Variants in DGKH observed in about 807,000 individuals in gnomAD.
The protein encoded by DGKH is DAG kinase eta.
A neutral mutation model predicts 159.3 loss-of-function variants in DGKH; 90 were observed. That is an observed-to-expected ratio of 0.57 (90% confidence interval 0.48 to 0.67). The LOEUF (loss-of-function observed/expected upper bound fraction) is 0.67, where lower values mean the gene tolerates loss of function less well. Among genes scored for constraint, DGKH ranks in the 30% least tolerant of loss-of-function variants. DGKH has a pLI of 0.00. For synonymous variants in DGKH, 536 were observed against 553.8 expected, an observed-to-expected ratio of 0.97 and a Z score of 0.45; for missense variants, 1,181 against 1,506.1, an observed-to-expected ratio of 0.78 and a Z score of 3.57.
At position 42,120,965 on chromosome 13, in the gene DGKH, C is replaced by G. The variant is rs149111499; in HGVS notation, c.193-6498C>G. On this transcript the variant is annotated intron_variant, in intron 1 of 29. Coordinates refer to ENST00000337343, the MANE Select transcript of DGKH (RefSeq NM_178009.5). ...GCCCATTTTCCTTTTTACTTACAGACCCCAACCCACAACTAGATTTTGTTC... is the reference window on the plus strand; with the variant it reads ...GCCCATTTTCCTTTTTACTTACAGAGCCCAACCCACAACTAGATTTTGTTC... Among the ~76,000 whole-genome samples, 11 of 152,096 alleles carry G rather than the reference C, an allele frequency of 7.2e-5. No individual in the cohort carries two copies. In the East Asian group the frequency reaches 2.1e-3, roughly 29 times the overall value.
chr13:42,200,124 G>T (rs188891683), intron 20 of DGKH, among the ~76,000 whole-genome samples: 1 of 152,164 alleles, frequency 6.6e-6, no homozygotes, highest in Non-Finnish European at 1.5e-5. Context: ...CTGAAATTGG[G>T]GCTACTCTGG....
intron 3 of DGKH, among the ~76,000 whole-genome samples, chr13:42,145,413 C>G (rs1244834514): frequency 6.6e-6 from 1 of 152,030 alleles, no homozygotes; most frequent in Non-Finnish European, 1.5e-5. Flanking sequence ...CATCTAAGGT[C>G]TTTGGGACAA....
intron 1 of DGKH, among the ~76,000 whole-genome samples, chr13:42,091,347 CA>C (rs1419458439): frequency 1.3e-5 from 2 of 152,032 alleles, no homozygotes; most frequent in African/African-American, 4.8e-5. Flanking sequence ...TTCTGTGTGT[CA>C]AAAGACACTA....
In DGKH at chr13:42,194,974, A is replaced by C. The variant is rs2138133334; in HGVS notation, c.2125A>C (p.Lys709Gln). The C allele has an allele frequency of 3.7e-6, 6 of 1,614,094 alleles. No homozygotes were observed. Among genetic ancestry groups the C allele is most frequent in the Non-Finnish European group, 5.1e-6 (6 of 1,179,954 alleles). ...CCCTGGTCCAGCTGTGGCAGCCAGC[A>C]AAGAAAACCTCCCTGTGCTCAATAC... is the stretch of plus-strand genomic sequence containing the variant. Reference protein sequence around the residue: ...SVPGPAVAASKENLPVLNTRI... With the variant: ...SVPGPAVAASQENLPVLNTRI... The change falls in exon 17 of 30, where the codon AAA becomes CAA. Residue 709 changes from lysine (K) to glutamine (Q), a missense_variant. Coordinates refer to ENST00000337343, the MANE Select transcript of DGKH (RefSeq NM_178009.5).
chr13:42,157,221 A>T (rs771676954), intron 5 of DGKH, among the ~76,000 whole-genome samples: 1 of 152,200 alleles, frequency 6.6e-6, no homozygotes, highest in Admixed American at 6.5e-5. Context: ...ATCTAAAAGG[A>T]TTCACATAGA....
chr13:42,059,981 C>T lies in DGKH; in HGVS notation c.192+11016C>T, dbSNP rs139919694. Among the ~76,000 whole-genome samples the T allele has an allele frequency of 2.3e-3, 347 of 151,170 alleles. 3 individuals carry two copies. The highest frequency in any genetic ancestry group is 8.0e-3 in the African/African-American group (331 of 41,212). On this transcript the variant is annotated intron_variant, in intron 1 of 29. Transcript: ENST00000337343. ...AGTACAGTGGCACAATCTTGGCTCA[C>T]TGCAAACTCCGCCTACCAGGTTTAA...
At chr13:42,062,218 G>A (rs901463817) in intron 1 of DGKH, among the ~76,000 whole-genome samples, 2 of 152,062 alleles carry the variant, frequency 1.3e-5, no homozygotes, top group Admixed American at 1.3e-4. Flanking sequence ...TCCAAAGTAA[G>A]GCAGGCATTT....
chr13:42,140,067 T>C (rs1955504491), intron 3 of DGKH, among the ~76,000 whole-genome samples: 1 of 152,250 alleles, frequency 6.6e-6, no homozygotes, highest in Non-Finnish European at 1.5e-5. Flanking sequence ...CTAGTTCATC[T>C]GCTCTTCTCC....
chr13:42,111,466 G>C (rs1181472066), intron 1 of DGKH, among the ~76,000 whole-genome samples: 1 of 152,160 alleles, frequency 6.6e-6, no homozygotes, highest in East Asian at 1.9e-4. Flanking sequence ...TGTAGTCCCA[G>C]CTACTTGGGA....
chr13:42,088,816 ATGCCT>A (rs1954358391), intron 1 of DGKH, among the ~76,000 whole-genome samples: 1 of 152,218 alleles, frequency 6.6e-6, no homozygotes, highest in Admixed American at 6.5e-5. Flanking sequence ...TTCCTTTTGA[ATGCCT>A]TGTTGGGCTG....
intron 1 of DGKH, among the ~76,000 whole-genome samples, chr13:42,115,480 G>A (rs1330448052): frequency 1.3e-5 from 2 of 152,174 alleles, no homozygotes; most frequent in Non-Finnish European, 2.9e-5. Flanking sequence ...GCATAGAGCT[G>A]TGGGTATACC....
chr13:42,081,321 C>T (rs949472804), intron 1 of DGKH, among the ~76,000 whole-genome samples: 2 of 152,006 alleles, frequency 1.3e-5, no homozygotes, highest in African/African-American at 4.8e-5. Flanking sequence ...CTTCTACCTC[C>T]TGGGTTCAAG....
intron 29 of DGKH, among the ~76,000 whole-genome samples, chr13:42,250,584 T>C (rs1306669512): frequency 1.3e-5 from 2 of 152,220 alleles, no homozygotes; most frequent in African/African-American, 4.8e-5. Flanking sequence ...CTGGGGACTC[T>C]TACTACAGTG....
chr13:42,185,069 T>A (rs1399979476), intron 13 of DGKH, among the ~76,000 whole-genome samples: 1 of 152,176 alleles, frequency 6.6e-6, no homozygotes, highest in Non-Finnish European at 1.5e-5. Flanking sequence ...CTTCCTATAG[T>A]AAATACATCT....
chr13:42,196,560 G>T (rs11617266), intron 17 of DGKH, among the ~76,000 whole-genome samples: 1 of 152,080 alleles, frequency 6.6e-6, no homozygotes, highest in African/African-American at 2.4e-5. Context: ...TATGAAATGC[G>T]CAGAATAGTC....
intron 1 of DGKH, among the ~76,000 whole-genome samples, chr13:42,099,006 G>A (rs1216151086): frequency 1.3e-5 from 2 of 152,206 alleles, no homozygotes; most frequent in Admixed American, 1.3e-4. Context: ...GCAATAGAAG[G>A]TCAGAGAGAG....
At chr13:42,170,489 A>T (rs903579599) in intron 11 of DGKH, among the ~76,000 whole-genome samples, 1 of 152,234 alleles carries the variant, frequency 6.6e-6, no homozygotes, top group African/African-American at 2.4e-5. Flanking sequence ...CAGCACCCCC[A>T]TGGTGAAATT....
At chr13:42,088,381 T>G (rs1048744223) in intron 1 of DGKH, among the ~76,000 whole-genome samples, 8 of 152,308 alleles carry the variant, frequency 5.3e-5, no homozygotes, top group African/African-American at 1.7e-4. Flanking sequence ...AGACATTTTC[T>G]GATTATTTTC....
intron 15 of DGKH, among the ~76,000 whole-genome samples, 194 bp from the exon 16 acceptor site, chr13:42,190,209 A>G: frequency 6.6e-6 from 1 of 152,338 alleles, no homozygotes; most frequent in South Asian, 2.1e-4. Flanking sequence ...TGATAAAAAT[A>G]TAATTTTAGC....
Sources: allele counts gnomAD v4.1 joint callset (sites outside exome capture counted in the v4.1 genomes callset), GRCh38; gene constraint gnomAD v4.1.1; transcripts MANE v1.5; gene names NCBI Gene and HGNC (gene_info 2026-07-23, HGNC 2026-07-21).